The following LRRC4C variants were observed in gnomAD, a reference collection of about 807,000 sequenced individuals.
LRRC4C encodes the protein leucine rich repeat containing 4C, also known as leucine-rich repeat-containing protein 4C.
LRRC4C carries 5 observed loss-of-function variants against 33.6 expected under a neutral mutation model. The ratio of observed to expected loss-of-function variants is 0.15; its 90% CI spans 0.08 to 0.31. The LOEUF is 0.31. Among genes scored for constraint, LRRC4C ranks in the 10% least tolerant of loss-of-function variants. The probability of loss-of-function intolerance (pLI) is 1.00; values close to 1 mark genes in which losing one functional copy is unlikely to be tolerated. For missense variants in LRRC4C, 560 were observed against 796.7 expected (o/e 0.70, Z 3.58); for synonymous variants, 329 against 302.0 (o/e 1.09, Z -0.93).
intron 1 of LRRC4C, among the ~76,000 whole-genome samples, chr11:41,125,188 A>G (rs914100205): frequency 6.6e-6 from 1 of 152,186 alleles, no homozygotes; most frequent in Non-Finnish European, 1.5e-5. Flanking sequence ...GGCCATTAGG[A>G]TCTGAAGTGA....
chr11:40,555,861 C>T (rs1025040455), intron 3 of LRRC4C, among the ~76,000 whole-genome samples: 1 of 152,110 alleles, frequency 6.6e-6, no homozygotes, highest in Non-Finnish European at 1.5e-5. Flanking sequence ...TGTAAATCTG[C>T]ATGGTAAACA....
At chr11:40,588,197 A>C (rs1958854215) in intron 3 of LRRC4C, among the ~76,000 whole-genome samples, 2 of 151,056 alleles carry the variant, frequency 1.3e-5, no homozygotes, top group South Asian at 2.1e-4. Context: ...TTCCTGGTTT[A>C]GTCTTGGGAG....
At chr11:40,233,034 T>A (rs1373123469) in intron 5 of LRRC4C, among the ~76,000 whole-genome samples, 1 of 152,226 alleles carries the variant, frequency 6.6e-6, no homozygotes, top group Non-Finnish European at 1.5e-5. Flanking sequence ...TCTAGCTTCC[T>A]CAACTAGATT....
chr11:40,209,483 T>C (rs1294176714), intron 5 of LRRC4C, among the ~76,000 whole-genome samples: 1 of 152,178 alleles, frequency 6.6e-6, no homozygotes, highest in African/African-American at 2.4e-5. Context: ...ATTTGGGAAT[T>C]TTCTATTTAC....
rs542650794 is a variant in LRRC4C at position 41,188,890 on chromosome 11, A to G, written c.-495-255167T>C. Among the ~76,000 whole-genome samples the G allele has an allele frequency of 5.0e-5, 7 of 139,486 alleles. No individual in the cohort carries two copies. In the South Asian group the frequency reaches 1.6e-3, roughly 32 times the overall value. 91.5% of individuals were successfully genotyped at this position (139,486 alleles called of 152,430 possible). A position where few individuals can be genotyped will look rare whatever the true frequency, so the allele number is the denominator to read the frequency against. ...GTAAAGAAAACTACTTTTTAGCACAAAACAGGACCTGCCCCCCCCCCCAAA... is the reference window on the plus strand; with the variant it reads ...GTAAAGAAAACTACTTTTTAGCACAGAACAGGACCTGCCCCCCCCCCCAAA... On this transcript the variant is annotated intron_variant, in intron 1 of 6. Coordinates refer to ENST00000528697, the MANE Select transcript of LRRC4C (RefSeq NM_001258419.2).
At chr11:40,674,467 T>G (rs1391316513) in intron 2 of LRRC4C, among the ~76,000 whole-genome samples, 2 of 152,170 alleles carry the variant, frequency 1.3e-5, no homozygotes. Context: ...GGCAAGGATA[T>G]TGTCCAATCA....
At chr11:40,728,620 C>T (rs1463041022) in intron 2 of LRRC4C, among the ~76,000 whole-genome samples, 4 of 105,702 alleles carry the variant, frequency 3.8e-5, no homozygotes, top group Non-Finnish European at 5.4e-5. Flanking sequence ...AGTCAGACTC[C>T]GTCTCAAAAA....
chr11:40,723,983 T>C (rs1297518816), intron 2 of LRRC4C, among the ~76,000 whole-genome samples: 1 of 151,382 alleles, frequency 6.6e-6, no homozygotes, highest in East Asian at 1.9e-4. Flanking sequence ...AAAACAGAAG[T>C]TAAACCAACA....
chr11:41,365,956 C>T lies in LRRC4C; in HGVS notation c.-496+93475G>A, dbSNP rs543168761. On this transcript the variant is annotated intron_variant, in intron 1 of 6. Coordinates refer to ENST00000528697, the MANE Select transcript of LRRC4C (RefSeq NM_001258419.2). Reference sequence around the variant, plus strand: ...GTTTTTAATGGGAATAAAAATAGTACCTTCCTCAAAGAGTTTGGAGTAGGA... The same window carrying T: ...GTTTTTAATGGGAATAAAAATAGTATCTTCCTCAAAGAGTTTGGAGTAGGA... Among the ~76,000 whole-genome samples the T allele has an allele frequency of 1.0e-3, 153 of 152,202 alleles. 1 individual carries two copies. Among genetic ancestry groups the T allele is most frequent in the African/African-American group, 3.6e-3 (149 of 41,526 alleles).
chr11:40,343,564 C>A (rs575329284), intron 3 of LRRC4C, among the ~76,000 whole-genome samples: 1 of 151,814 alleles, frequency 6.6e-6, no homozygotes, highest in Non-Finnish European at 1.5e-5. Flanking sequence ...TTGGTCCATG[C>A]GTTCTCATTG....
chr11:41,156,434 A>G (rs1041060830), intron 1 of LRRC4C, among the ~76,000 whole-genome samples: 4 of 152,104 alleles, frequency 2.6e-5, no homozygotes, highest in Non-Finnish European at 5.9e-5. Context: ...GTCACATTTG[A>G]ATTGTCTTTT....
At position 40,628,082 on chromosome 11, in the gene LRRC4C, A is replaced by C. The variant is rs116920884; in HGVS notation, c.-270+20060T>G. Reference sequence around the variant, plus strand: ...ATATGTAAGATTTTAAAATGGAAACAGTTATTTTCTATGAACGACTAGTTT... The same window carrying C: ...ATATGTAAGATTTTAAAATGGAAACCGTTATTTTCTATGAACGACTAGTTT... On this transcript the variant is annotated intron_variant, in intron 3 of 6. Coordinates refer to ENST00000528697, the MANE Select transcript of LRRC4C (RefSeq NM_001258419.2). Among the ~76,000 whole-genome samples, 305 of 152,350 alleles carry C rather than the reference A, an allele frequency of 2.0e-3. 7 individuals are homozygous for C. In the East Asian group the frequency reaches 0.042, roughly 21 times the overall value.
chr11:40,314,223 T>A (rs990730079), intron 4 of LRRC4C, among the ~76,000 whole-genome samples: 14 of 152,030 alleles, frequency 9.2e-5, no homozygotes, highest in East Asian at 7.7e-4. Context: ...TCTGATTTTT[T>A]AAAAAAATGG....
intron 1 of LRRC4C, among the ~76,000 whole-genome samples, chr11:41,064,915 G>A (rs1330937570): frequency 6.6e-6 from 1 of 152,068 alleles, no homozygotes; most frequent in Non-Finnish European, 1.5e-5. Context: ...CGCAGTCCGC[G>A]GATCAGAAGA....
chr11:40,983,834 C>T (rs1852718753), intron 1 of LRRC4C, among the ~76,000 whole-genome samples: 1 of 152,124 alleles, frequency 6.6e-6, no homozygotes, highest in Non-Finnish European at 1.5e-5. Context: ...ATTAAAAAGT[C>T]CAACTGAAAT....
intron 1 of LRRC4C, among the ~76,000 whole-genome samples, chr11:40,947,419 G>A (rs1958453638): frequency 6.6e-6 from 1 of 152,112 alleles, no homozygotes; most frequent in Admixed American, 6.6e-5. Context: ...TGGTAACAGA[G>A]ATGTGCCTAT....
intron 3 of LRRC4C, among the ~76,000 whole-genome samples, chr11:40,510,723 A>G (rs1955271712): frequency 6.6e-6 from 1 of 152,192 alleles, no homozygotes; most frequent in African/African-American, 2.4e-5. Flanking sequence ...CTTGTCACCC[A>G]CCTAGTTGCC....
chr11:40,546,945 A>G (rs1470715176), intron 3 of LRRC4C, among the ~76,000 whole-genome samples: 1 of 152,170 alleles, frequency 6.6e-6, no homozygotes, highest in Non-Finnish European at 1.5e-5. Flanking sequence ...GAAAATGGCA[A>G]TAGTTTGAAT....
chr11:40,514,655 T>C (rs558480467), intron 3 of LRRC4C, among the ~76,000 whole-genome samples: 222 of 152,222 alleles, frequency 1.5e-3, no homozygotes, highest in African/African-American at 5.2e-3. Flanking sequence ...TTTCCTTCCA[T>C]CTATTGTCTT....
Sources: gnomAD v4.1 joint callset for allele counts (sites outside exome capture counted in the v4.1 genomes callset) on GRCh38, gnomAD v4.1.1 for gene constraint, MANE v1.5 for transcripts, NCBI Gene and HGNC (gene_info 2026-07-23, HGNC 2026-07-21) for gene names.